The following TRMT44 variants were observed in gnomAD, a reference collection of about 807,000 sequenced individuals.
TRMT44 encodes probable tRNA (uracil-O(2)-)-methyltransferase.
TRMT44 carries 78 observed loss-of-function variants against 77.3 expected under a neutral mutation model. That is an observed-to-expected ratio of 1.01 (90% CI 0.84 to 1.22). The LOEUF is 1.22. Among genes scored for constraint, TRMT44 ranks in the 50% most tolerant of loss-of-function variants. The pLI, the probability that TRMT44 is intolerant of heterozygous loss-of-function variation, is 0.00. For synonymous variants in TRMT44, 391 were observed against 383.3 expected (o/e 1.02, Z -0.23); for missense variants, 1,090 against 964.4 (o/e 1.13, Z -1.73).
chr4:8,513,074 A>G, the TRMT44 span, among the ~76,000 whole-genome samples: 1 of 152,112 alleles, frequency 6.6e-6, no homozygotes, highest in African/African-American at 2.4e-5. Flanking sequence ...CCGCCACCAC[A>G]CCCAGATAAT....
the TRMT44 span, chr4:8,509,496 A>G: frequency 0.69 from 105,235 of 152,786 alleles, 36,514 homozygotes; most frequent in South Asian, 0.84. Context: ...GAGCCAGGGC[A>G]GCACTGACCA....
chr4:8,490,389 T>C (rs569935291), intron 2 of TRMT44, among the ~76,000 whole-genome samples: 3 of 152,088 alleles, frequency 2.0e-5, no homozygotes, highest in Admixed American at 1.3e-4. Context: ...TTCTTCCTTC[T>C]GGTGGATTCG....
intron 9 of TRMT44, among the ~76,000 whole-genome samples, chr4:8,469,852 G>C (rs907630275): frequency 6.6e-6 from 1 of 152,254 alleles, no homozygotes; most frequent in African/African-American, 2.4e-5. Flanking sequence ...AGGCACCTCT[G>C]CGTTTCTGTG....
intron 6 of TRMT44, 121 bp from the exon 7 acceptor site, chr4:8,463,864 A>C: frequency 1.3e-6 from 1 of 759,804 alleles, no homozygotes; most frequent in Admixed American, 2.3e-5. Flanking sequence ...GTCATGCAGC[A>C]GGTGAACTGC....
intron 9 of TRMT44, among the ~76,000 whole-genome samples, chr4:8,469,912 C>T (rs887301129): frequency 3.3e-5 from 5 of 152,240 alleles, no homozygotes; most frequent in Admixed American, 1.3e-4. Flanking sequence ...CATCCTAGCT[C>T]GGCGTCTGTC....
intron 7 of TRMT44, among the ~76,000 whole-genome samples, chr4:8,464,610 C>T (rs1235507051): frequency 6.6e-6 from 1 of 152,208 alleles, no homozygotes; most frequent in Non-Finnish European, 1.5e-5. Context: ...TTCTTCTGAG[C>T]TGTTTTCATT....
chr4:8,515,740 T>C, the TRMT44 span, among the ~76,000 whole-genome samples: 1 of 152,190 alleles, frequency 6.6e-6, no homozygotes, highest in South Asian at 2.1e-4. Context: ...CCCCAGGCAC[T>C]GACACAGTTC....
chr4:8,504,071 C>A, the TRMT44 span, among the ~76,000 whole-genome samples: 6,784 of 152,166 alleles, frequency 0.045, 497 homozygotes, highest in African/African-American at 0.15. This position sits in a 1 kb window ranked among gnomAD's most constrained non-coding sequence, Gnocchi z 5.3. Context: ...AGCCTCTGAG[C>A]CTCTGAGGTT....
chr4:8,460,743 G>A (rs990536059), intron 6 of TRMT44, among the ~76,000 whole-genome samples: 1 of 152,132 alleles, frequency 6.6e-6, no homozygotes, highest in East Asian at 1.9e-4. Context: ...TAGTAGAGAC[G>A]GGGTTTTGCC....
At chr4:8,504,592 G>A in the TRMT44 span, among the ~76,000 whole-genome samples, 9 of 152,250 alleles carry the variant, frequency 5.9e-5, no homozygotes, top group South Asian at 1.0e-3. The surrounding 1 kb of genome is among the most constrained non-coding windows in gnomAD (Gnocchi z 5.3). Context: ...GTGTGGACCT[G>A]CGCCAAGTCT....
At chr4:8,514,945 G>A in the TRMT44 span, among the ~76,000 whole-genome samples, 41 of 152,216 alleles carry the variant, frequency 2.7e-4, no homozygotes, top group African/African-American at 9.6e-4. Flanking sequence ...GGCACTTGGC[G>A]GGGCACCATT....
At chr4:8,515,849 A>G in the TRMT44 span, among the ~76,000 whole-genome samples, 2 of 152,248 alleles carry the variant, frequency 1.3e-5, no homozygotes, top group East Asian at 3.9e-4. Context: ...AAGTCCATCA[A>G]GCTGTCCTCT....
chr4:8,475,116 A>T (rs776283020), intron 10 of TRMT44, among the ~76,000 whole-genome samples: 14 of 152,164 alleles, frequency 9.2e-5, no homozygotes, highest in Non-Finnish European at 1.8e-4. Flanking sequence ...TGGGAGGCGC[A>T]TGTAAACCCA....
At chr4:8,467,768 T>C (rs1453349145) in intron 8 of TRMT44, 146 bp from the exon 9 acceptor site, 2 of 904,148 alleles carry the variant, frequency 2.2e-6, no homozygotes, top group Admixed American at 5.8e-5. Context: ...CCACCGTACC[T>C]GGCTGGTGTC....
At chr4:8,470,316 G>A (rs1726897780) in intron 9 of TRMT44, among the ~76,000 whole-genome samples, 1 of 152,190 alleles carries the variant, frequency 6.6e-6, no homozygotes, top group Admixed American at 6.5e-5. Context: ...ATCCGTAGGG[G>A]TCTGACAGGC....
At chr4:8,447,786 G>C (rs1057099997) in intron 2 of TRMT44, among the ~76,000 whole-genome samples, 1 of 152,198 alleles carries the variant, frequency 6.6e-6, no homozygotes, top group Non-Finnish European at 1.5e-5. Flanking sequence ...GCCCTTGTTG[G>C]AGAGTGAGGA....
chr4:8,461,765 CAGG>C lies in TRMT44; in HGVS notation c.1204-2217_1204-2215del, dbSNP rs1726169795. On this transcript the variant is annotated intron_variant, in intron 6 of 10. Coordinates refer to ENST00000389737, the MANE Select transcript of TRMT44 (RefSeq NM_152544.3). This position sits in a 1 kb window ranked among gnomAD's most constrained non-coding sequence, Gnocchi z 4.6. ...GTTTATTCTAGTGTTAAATAAATGC[CAGG>C]AGTTCTGTCATGCTTTCTGCCTTGG... 6.6e-6 allele frequency among the ~76,000 whole-genome samples: 1 copy of C among 152,054 alleles called. No homozygotes were observed. Among genetic ancestry groups the C allele is most frequent in the South Asian group, 2.1e-4 (1 of 4,822 alleles).
rs1011657696 is a variant in TRMT44, at chr4:8,440,925, A to G, written c.103A>G (p.Asn35Asp). 3.7e-5 allele frequency: 56 copies of G among 1,530,366 alleles called. No homozygotes were observed. The Middle Eastern group carries it at 1.1e-3, about 31-fold the overall frequency. The allele number at this position is 1,530,366 out of a possible 1,614,324, so 94.8% of individuals were successfully genotyped here. Residue 35 changes from asparagine to aspartate, a missense_variant, in exon 1 of 11, where the codon AAC becomes GAC. Transcript: ENST00000389737. Reference sequence around the variant, plus strand: ...GTGGCTGGAGAGGCCGCAGGTGGCAAACAAACGGCTTTGCGGCGCCCGCCT... The same window carrying G: ...GTGGCTGGAGAGGCCGCAGGTGGCAGACAAACGGCTTTGCGGCGCCCGCCT... ...EVWLERPQVA[N>D]KRLCGARLEA...
At chr4:8,501,812 C>T in the TRMT44 span, among the ~76,000 whole-genome samples, 1 of 152,274 alleles carries the variant, frequency 6.6e-6, no homozygotes, top group East Asian at 1.9e-4. The surrounding 1 kb of genome is among the most constrained non-coding windows in gnomAD (Gnocchi z 4.4). Flanking sequence ...GCTCAGCAGC[C>T]CCTGTCCTTT....
Sources: gnomAD v4.1 joint callset for allele counts (sites outside exome capture counted in the v4.1 genomes callset) on GRCh38, gnomAD v4.1.1 for gene constraint, Gnocchi (gnomAD v3.1) non-coding constraint, MANE v1.5 for transcripts, NCBI Gene and HGNC (gene_info 2026-07-23, HGNC 2026-07-21) for gene names.